Variants in CDS1 observed in about 807,000 individuals in gnomAD.
CDS1 encodes the protein CDP-diacylglycerol synthase 1.
Under a neutral mutation model 62.1 loss-of-function variants are expected in CDS1, and 41 were observed. That is an observed-to-expected ratio of 0.66 (90% CI 0.51 to 0.86). CDS1 has a LOEUF of 0.86. Among genes scored for constraint, CDS1 ranks in the 40% least tolerant of loss-of-function variants. The pLI is 0.00. For synonymous variants in CDS1, 185 were observed against 192.6 expected (o/e 0.96, Z 0.32); for missense variants, 470 against 550.1 (o/e 0.85, Z 1.46).
chr4:84,604,521 T>C, intron 2 of CDS1, 151 bp downstream of exon 2: 1 of 657,408 alleles, frequency 1.5e-6, no homozygotes, highest in Non-Finnish European at 2.6e-6. Flanking sequence ...TATAGTTCTA[T>C]GTATTTAATG....
intron 1 of CDS1, among the ~76,000 whole-genome samples, chr4:84,601,172 C>CAAAAAAAAAGAA (rs1553902604): frequency 1.1e-5 from 1 of 88,284 alleles, no homozygotes; most frequent in East Asian, 3.8e-4. Context: ...GACCCTGTCT[C>CAAAAAAAAAGAA]AAAAAAAAAA....
chr4:84,609,574 T>C, intron 3 of CDS1, 49 bp downstream of exon 3: 1 of 1,021,300 alleles, frequency 9.8e-7, no homozygotes, highest in Non-Finnish European at 1.5e-6. Context: ...TTTTTCAACA[T>C]TTATATAGGA....
chr4:84,644,923 A>G (rs987788264), intron 11 of CDS1, among the ~76,000 whole-genome samples: 2 of 152,224 alleles, frequency 1.3e-5, no homozygotes, highest in Non-Finnish European at 2.9e-5. Context: ...AGTAATAGCT[A>G]AGATAATTTT....
chr4:84,634,965 A>G (rs952244850), intron 7 of CDS1, among the ~76,000 whole-genome samples: 3 of 152,188 alleles, frequency 2.0e-5, no homozygotes, highest in African/African-American at 7.2e-5. Flanking sequence ...TTTTTATTGT[A>G]ACATGTTCCT....
chr4:84,650,565 G>C lies in CDS1; in HGVS notation c.*1879G>C, dbSNP rs1323729003. The C allele has an allele frequency of 1.3e-5, 2 of 152,120 alleles. No homozygotes were observed. The highest frequency in any genetic ancestry group is 4.8e-5 in the African/African-American group (2 of 41,420). 9.4% of individuals were successfully genotyped at this position (152,120 alleles called of 1,614,324 possible). ...TAGTTTGCATGAGTAAGAACTCCTT[G>C]AGATACACAGATCCCCCCACATTTG... is the stretch of plus-strand genomic sequence containing the variant. On this transcript the variant is annotated 3_prime_UTR_variant, in exon 13 of 13. Coordinates refer to ENST00000295887, the MANE Select transcript of CDS1 (RefSeq NM_001263.4).
At chr4:84,622,058 C>G (rs776705241) in intron 5 of CDS1, among the ~76,000 whole-genome samples, 3 of 152,160 alleles carry the variant, frequency 2.0e-5, no homozygotes, top group Non-Finnish European at 4.4e-5. Flanking sequence ...AGTATTTTCT[C>G]TCATTTACCA....
At chr4:84,607,265 G>A (rs1486058487) in intron 2 of CDS1, among the ~76,000 whole-genome samples, 1 of 152,052 alleles carries the variant, frequency 6.6e-6, no homozygotes, top group Admixed American at 6.5e-5. Flanking sequence ...ATTGGAGAGT[G>A]GTTGAAAGCA....
chr4:84,594,391 C>G (rs559753949), intron 1 of CDS1, among the ~76,000 whole-genome samples: 13 of 152,222 alleles, frequency 8.5e-5, no homozygotes, highest in Non-Finnish European at 1.6e-4. Flanking sequence ...TGAAAGTTGT[C>G]TCAGAGCAGC....
intron 2 of CDS1, among the ~76,000 whole-genome samples, chr4:84,607,299 T>TA (rs1269997745): frequency 6.6e-6 from 1 of 151,850 alleles, no homozygotes; most frequent in Non-Finnish European, 1.5e-5. Flanking sequence ...TTTTTTTTTT[T>TA]AAGAGACAGT....
At chr4:84,614,701 C>G (rs1723433031) in intron 3 of CDS1, among the ~76,000 whole-genome samples, 1 of 152,046 alleles carries the variant, frequency 6.6e-6, no homozygotes, top group South Asian at 2.1e-4. Flanking sequence ...AATCTCTATG[C>G]AAAGCATTTT....
At chr4:84,592,412 A>G (rs1158059852) in intron 1 of CDS1, among the ~76,000 whole-genome samples, 1 of 152,108 alleles carries the variant, frequency 6.6e-6, no homozygotes, top group Non-Finnish European at 1.5e-5. Context: ...ACCTCAAGTA[A>G]TCCACCTGTC....
chr4:84,636,665 C>G (rs1578050875), intron 8 of CDS1, among the ~76,000 whole-genome samples: 1 of 152,170 alleles, frequency 6.6e-6, no homozygotes, highest in Non-Finnish European at 1.5e-5. Context: ...TCTGGGATTA[C>G]AGGCGGCTGC....
Position 84,631,743 on chromosome 4 carries a change from G to T in CDS1, c.581-76G>T. 3.3e-6 allele frequency: 4 copies of T among 1,211,318 alleles called. No individual in the cohort carries two copies. In the South Asian group the frequency reaches 4.9e-5, roughly 15 times the overall value. 75.0% of individuals were successfully genotyped at this position (1,211,318 alleles called of 1,614,324 possible). On this transcript the variant is annotated intron_variant, in intron 5 of 12. Coordinates refer to ENST00000295887, the MANE Select transcript of CDS1 (RefSeq NM_001263.4). ...TGCCTAGCTGTGATACAGCAAATTG[G>T]TTTATTTGGGCTCAAGGAATCTTAA...
intron 1 of CDS1, among the ~76,000 whole-genome samples, chr4:84,597,617 G>C (rs1324422110): frequency 1.3e-5 from 2 of 152,130 alleles, no homozygotes; most frequent in Non-Finnish European, 2.9e-5. Flanking sequence ...CAACCTGGGT[G>C]ACCCTGCCTC....
In CDS1 at chr4:84,638,915, C is replaced by T; in HGVS notation, c.811-9C>T. The T allele has an allele frequency of 6.8e-7, 1 of 1,472,742 alleles. No individual in the cohort carries two copies. The highest frequency in any genetic ancestry group is 9.1e-7 in the Non-Finnish European group (1 of 1,094,458). 91.2% of individuals were successfully genotyped at this position (1,472,742 alleles called of 1,614,324 possible). The stretch of plus-strand genomic sequence containing the variant: ...GTAAAGCTTTTTAATTTTATTTGCC[C>T]TTTTTTAGTTGTCTCCTAAAAAGAC... On this transcript the variant is annotated splice_polypyrimidine_tract_variant and intron_variant, in intron 8 of 12. Coordinates refer to ENST00000295887, the MANE Select transcript of CDS1 (RefSeq NM_001263.4).
chr4:84,636,149 C>G (rs990052197), intron 8 of CDS1, among the ~76,000 whole-genome samples: 12 of 152,142 alleles, frequency 7.9e-5, no homozygotes, highest in Non-Finnish European at 1.6e-4. Context: ...ACTCTCCTCT[C>G]CCTTCAACCT....
intron 5 of CDS1, among the ~76,000 whole-genome samples, chr4:84,623,983 T>A (rs1046877622): frequency 6.6e-6 from 1 of 151,508 alleles, no homozygotes; most frequent in African/African-American, 2.4e-5. Flanking sequence ...CCTAAACTAG[T>A]TTTTTTTGCT....
At position 84,599,018 on chromosome 4, in the gene CDS1, A is replaced by G. The variant is rs1722839019; in HGVS notation, c.118-5225A>G. On this transcript the variant is annotated intron_variant, in intron 1 of 12. Coordinates refer to ENST00000295887, the MANE Select transcript of CDS1 (RefSeq NM_001263.4). ...AAATGATACTCACTAAATTGAGTAC[A>G]CTTAAAGTGCTATCTTAGCTCAAGA... Among the ~76,000 whole-genome samples the G allele has an allele frequency of 2.0e-5, 3 of 152,310 alleles. No individual in the cohort carries two copies. The South Asian group carries it at 6.2e-4, about 32-fold the overall frequency.
intron 11 of CDS1, among the ~76,000 whole-genome samples, chr4:84,643,412 A>G (rs1205747507): frequency 6.6e-6 from 1 of 152,202 alleles, no homozygotes; most frequent in Admixed American, 6.5e-5. Flanking sequence ...ATAGACCCAG[A>G]ATCTTGGTCT....
Sources: allele counts gnomAD v4.1 joint callset (sites outside exome capture counted in the v4.1 genomes callset), GRCh38; gene constraint gnomAD v4.1.1; transcripts MANE v1.5; gene names NCBI Gene and HGNC (gene_info 2026-07-23, HGNC 2026-07-21).